The following SPATA17 variants were observed in gnomAD, a reference collection of about 807,000 sequenced individuals.
SPATA17 encodes spermatogenesis-associated protein 17.
In SPATA17, 53 loss-of-function variants were observed where a neutral mutation model predicts 62.2. The ratio of observed to expected loss-of-function variants is 0.85; its 90% CI spans 0.68 to 1.07. The LOEUF (loss-of-function observed/expected upper bound fraction) is 1.07. Among genes scored for constraint, SPATA17 ranks in the 50% least tolerant of loss-of-function variants. SPATA17 has a pLI of 0.00. For missense variants in SPATA17, 466 were observed against 425.5 expected (o/e 1.10, Z -0.84); for synonymous variants, 146 against 146.8 (o/e 0.99, Z 0.04).
At chr1:217,856,950 A>G in intron 9 of SPATA17, among the ~76,000 whole-genome samples, 1 of 152,228 alleles carries the variant, frequency 6.6e-6, no homozygotes, top group East Asian at 1.9e-4. Context: ...AGTCTCGTTC[A>G]GGATATAAGG....
chr1:217,799,263 A>G (rs1435837083), intron 8 of SPATA17, among the ~76,000 whole-genome samples: 2 of 152,196 alleles, frequency 1.3e-5, no homozygotes, highest in Non-Finnish European at 2.9e-5. Context: ...TTAATTCACG[A>G]GCAGGGAAAT....
intron 5 of SPATA17, among the ~76,000 whole-genome samples, chr1:217,698,318 C>T (rs923910909): frequency 6.6e-6 from 1 of 151,986 alleles, no homozygotes; most frequent in Admixed American, 6.6e-5. Flanking sequence ...CCTGTAATCC[C>T]AGCTGCTCGG....
At chr1:217,757,961 C>G (rs1043171535) in intron 6 of SPATA17, among the ~76,000 whole-genome samples, 1 of 152,008 alleles carries the variant, frequency 6.6e-6, no homozygotes, top group Admixed American at 6.6e-5. Context: ...CAGAGTAATC[C>G]TTACAAGAAT....
intron 6 of SPATA17, among the ~76,000 whole-genome samples, chr1:217,765,115 G>T (rs1430398113): frequency 1.3e-5 from 2 of 151,632 alleles, no homozygotes; most frequent in Non-Finnish European, 2.9e-5. Flanking sequence ...CTGTAGTAAT[G>T]TCTTCCCTTT....
In SPATA17 at chr1:217,868,493, T is replaced by G. The variant is rs2103019257; in HGVS notation, c.*1474T>G. 1 of 152,220 alleles carries G rather than the reference T, an allele frequency of 6.6e-6. No individual in the cohort carries two copies. Among genetic ancestry groups the G allele is most frequent in the East Asian group, 1.9e-4 (1 of 5,164 alleles). 9.4% of individuals were successfully genotyped at this position (152,220 alleles called of 1,614,324 possible). ...CTTAAATATGCTCAGAACACATACGTTAGCCTATAGTTGGGCAAAATCATC... is the reference window on the plus strand; with the variant it reads ...CTTAAATATGCTCAGAACACATACGGTAGCCTATAGTTGGGCAAAATCATC... On this transcript the variant is annotated 3_prime_UTR_variant, in exon 11 of 11. Transcript: ENST00000366933.
intron 9 of SPATA17, among the ~76,000 whole-genome samples, chr1:217,857,928 G>T (rs550353763): frequency 2.2e-3 from 334 of 152,282 alleles, no homozygotes; most frequent in Non-Finnish European, 3.4e-3. Context: ...GTTACCATTG[G>T]TTGGAAGCTA....
At chr1:217,653,242 G>A (rs1328724842) in intron 3 of SPATA17, among the ~76,000 whole-genome samples, 1 of 152,160 alleles carries the variant, frequency 6.6e-6, no homozygotes, top group Non-Finnish European at 1.5e-5. Context: ...CTTAGAATTA[G>A]TGACAATAGA....
At chr1:217,644,927 T>C (rs368341324) in intron 1 of SPATA17, among the ~76,000 whole-genome samples, 29 of 152,124 alleles carry the variant, frequency 1.9e-4, no homozygotes, top group Non-Finnish European at 4.1e-4. Context: ...AATTTGGAAC[T>C]AATTAATATA....
intron 7 of SPATA17, among the ~76,000 whole-genome samples, chr1:217,778,656 A>G (rs1398863666): frequency 6.6e-6 from 1 of 152,208 alleles, no homozygotes; most frequent in East Asian, 1.9e-4. Context: ...TGAATAAAAT[A>G]AGGGCATGTA....
At chr1:217,770,207 C>T (rs1046385701) in intron 6 of SPATA17, among the ~76,000 whole-genome samples, 1 of 152,178 alleles carries the variant, frequency 6.6e-6, no homozygotes, top group Admixed American at 6.5e-5. Flanking sequence ...TTTAGACACA[C>T]CTCCTTTAAG....
Position 217,871,410 on chromosome 1 carries a change from A to ATT in SPATA17, c.*4394_*4395dup, listed in dbSNP as rs571860595. On this transcript the variant is annotated 3_prime_UTR_variant, in exon 11 of 11. Coordinates refer to ENST00000366933, the MANE Select transcript of SPATA17 (RefSeq NM_138796.4). Reference sequence around the variant, plus strand: ...AACCTCAGCTTTTAACTTTGCCCTGATTTTCTCTTCCATTTTATTTTCACT... The same window carrying ATT: ...AACCTCAGCTTTTAACTTTGCCCTGATTTTTTCTCTTCCATTTTATTTTCACT... The ATT allele has an allele frequency of 6.6e-6, 1 of 151,478 alleles. No homozygotes were observed. Among genetic ancestry groups the ATT allele is most frequent in the African/African-American group, 2.4e-5 (1 of 41,258 alleles). The allele number at this position is 151,478 out of a possible 1,614,324, so 9.4% of individuals were successfully genotyped here. A position where few individuals can be genotyped will look rare whatever the true frequency, so the allele number is the denominator to read the frequency against.
chr1:217,795,226 A>G (rs186102102), intron 8 of SPATA17, among the ~76,000 whole-genome samples: 1 of 152,284 alleles, frequency 6.6e-6, no homozygotes, highest in East Asian at 1.9e-4. Flanking sequence ...TGATGTGACT[A>G]TCAAAGAGGG....
intron 9 of SPATA17, among the ~76,000 whole-genome samples, chr1:217,802,070 C>T (rs1485113248): frequency 6.6e-6 from 1 of 151,410 alleles, no homozygotes; most frequent in Admixed American, 6.6e-5. Context: ...ACTTAGCTGC[C>T]CTAGGATCAA....
intron 7 of SPATA17, among the ~76,000 whole-genome samples, chr1:217,781,753 C>A (rs1448191329): frequency 6.6e-6 from 1 of 152,072 alleles, no homozygotes; most frequent in East Asian, 1.9e-4. Context: ...TCTCCTATTT[C>A]TATTTATAGA....
At chr1:217,716,287 C>T (rs1043064773) in intron 5 of SPATA17, among the ~76,000 whole-genome samples, 12 of 152,178 alleles carry the variant, frequency 7.9e-5, no homozygotes, top group Non-Finnish European at 1.6e-4. Flanking sequence ...AGAATAGAAA[C>T]GTGAAAGAAG....
intron 8 of SPATA17, among the ~76,000 whole-genome samples, chr1:217,796,816 A>G (rs1674162553): frequency 6.6e-6 from 1 of 152,186 alleles, no homozygotes; most frequent in African/African-American, 2.4e-5. Context: ...TTACCTGGAC[A>G]TTTAGGTGGT....
At chr1:217,768,842 T>C (rs1571793155) in intron 6 of SPATA17, among the ~76,000 whole-genome samples, 1 of 152,170 alleles carries the variant, frequency 6.6e-6, no homozygotes, top group East Asian at 1.9e-4. Flanking sequence ...ACAGAACGTA[T>C]ACTTTTACTG....
intron 8 of SPATA17, among the ~76,000 whole-genome samples, chr1:217,799,262 G>A (rs919675097): frequency 6.6e-6 from 1 of 151,974 alleles, no homozygotes; most frequent in Non-Finnish European, 1.5e-5. Context: ...GTTAATTCAC[G>A]AGCAGGGAAA....
At chr1:217,857,277 A>C (rs1301767773) in intron 9 of SPATA17, among the ~76,000 whole-genome samples, 3 of 152,192 alleles carry the variant, frequency 2.0e-5, no homozygotes, top group African/African-American at 4.8e-5. Flanking sequence ...GTAATCTTAC[A>C]CTTAGTGGGT....
Sources: allele counts gnomAD v4.1 joint callset (sites outside exome capture counted in the v4.1 genomes callset), GRCh38; gene constraint gnomAD v4.1.1; transcripts MANE v1.5; gene names NCBI Gene and HGNC (gene_info 2026-07-23, HGNC 2026-07-21).